Variants in FHOD3 observed in about 807,000 individuals in gnomAD.
The protein encoded by FHOD3 is FH1/FH2 domain-containing protein 3.
In FHOD3, 90 loss-of-function variants were observed where a neutral mutation model predicts 173.0. That is an observed-to-expected ratio of 0.52 (90% confidence interval 0.44 to 0.62). The LOEUF is 0.62. Ranked by LOEUF, FHOD3 falls within the 20% of genes least tolerant of loss-of-function variation. FHOD3 has a pLI of 0.00. For missense variants in FHOD3, 1,945 were observed against 2,034.7 expected (o/e 0.96, Z 0.85); for synonymous variants, 828 against 823.0 (o/e 1.01, Z -0.10).
At chr18:36,751,694 A>G (rs1317929647) in intron 24 of FHOD3, among the ~76,000 whole-genome samples, 2 of 152,162 alleles carry the variant, frequency 1.3e-5, no homozygotes, top group African/African-American at 4.8e-5. Flanking sequence ...AAGGGTGTTG[A>G]ATTTTATTGA....
intron 1 of FHOD3, among the ~76,000 whole-genome samples, chr18:36,348,011 C>T (rs893228493): frequency 7.2e-5 from 11 of 152,140 alleles, no homozygotes; most frequent in Admixed American, 2.6e-4. Flanking sequence ...TATCTTGTCC[C>T]TTTGCAATGG....
intron 3 of FHOD3, among the ~76,000 whole-genome samples, chr18:36,491,163 G>A (rs1027654519): frequency 2.0e-5 from 3 of 152,144 alleles, no homozygotes; most frequent in African/African-American, 7.2e-5. Context: ...ATGTGTTTGC[G>A]GAAGGGGTTG....
chr18:36,465,758 AG>A (rs2052878888), intron 3 of FHOD3, among the ~76,000 whole-genome samples: 2 of 152,024 alleles, frequency 1.3e-5, no homozygotes, highest in African/African-American at 4.8e-5. Context: ...GGGTGATCTG[AG>A]GCTGTGTGTG....
At chr18:36,715,707 C>CAT (rs113260743) in intron 18 of FHOD3, among the ~76,000 whole-genome samples, 32,729 of 151,960 alleles carry the variant, frequency 0.22, 4,152 homozygotes, top group African/African-American at 0.35. Flanking sequence ...ATAAGTAAAA[C>CAT]GTGACAGATT....
In FHOD3 at chr18:36,625,507, C is replaced by T. The variant is rs200239609; in HGVS notation, c.958-4C>T. Reference sequence around the variant, plus strand: ...CTTGCACTGGGCGTGCTCTGCTTTTCCAGGTGGCGCTCAGGCACGAGGATG... The same window carrying T: ...CTTGCACTGGGCGTGCTCTGCTTTTTCAGGTGGCGCTCAGGCACGAGGATG... On this transcript the variant is annotated splice_region_variant and splice_polypyrimidine_tract_variant and intron_variant, in intron 9 of 28. Coordinates refer to ENST00000590592, the MANE Select transcript of FHOD3 (RefSeq NM_001281740.3). 937 of 1,410,566 alleles carry T rather than the reference C, an allele frequency of 6.6e-4. 3 individuals are homozygous for T. The highest frequency in any genetic ancestry group is 3.8e-4 in the Admixed American group (15 of 39,760). 87.4% of individuals were successfully genotyped at this position (1,410,566 alleles called of 1,614,324 possible). A position where few individuals can be genotyped will look rare whatever the true frequency, so the allele number is the denominator to read the frequency against.
Position 36,652,818 on chromosome 18 carries a change from T to C in FHOD3, c.1535T>C (p.Ile512Thr), listed in dbSNP as rs763470059. The C allele has an allele frequency of 5.2e-6, 8 of 1,535,854 alleles. No homozygotes were observed. The Middle Eastern group carries it at 5.0e-4, about 96-fold the overall frequency. Residue 512 changes from isoleucine (I) to threonine (T), a missense_variant, in exon 12 of 29, where the codon ATA becomes ACA. Physicochemically the swap from Ile to Thr is moderately conservative, Grantham distance 89. Around this residue, in one of 5 missense-constraint regions of FHOD3, gnomAD observed 1,099 missense variants for 1,051.2 expected, o/e 1.05. Coordinates refer to ENST00000590592, the MANE Select transcript of FHOD3 (RefSeq NM_001281740.3). Reference sequence around the variant, plus strand: ...GGCTCCCTGAAGGTGTCACCGACCATAGACAAGCTGCCCTACGTGCCCCAC... The same window carrying C: ...GGCTCCCTGAAGGTGTCACCGACCACAGACAAGCTGCCCTACGTGCCCCAC... ...TPGSLKVSPTIDKLPYVPHSP... is the reference protein window; with the variant it reads ...TPGSLKVSPTTDKLPYVPHSP...
At chr18:36,374,943 C>T (rs537114039) in intron 3 of FHOD3, among the ~76,000 whole-genome samples, 7 of 152,234 alleles carry the variant, frequency 4.6e-5, no homozygotes, top group Admixed American at 1.3e-4. Flanking sequence ...AGGATTTGGC[C>T]GTATAAACTA....
At chr18:36,443,024 G>T (rs930028506) in intron 3 of FHOD3, among the ~76,000 whole-genome samples, 3 of 152,094 alleles carry the variant, frequency 2.0e-5, no homozygotes, top group African/African-American at 4.8e-5. Flanking sequence ...ATACATTTTT[G>T]ACAAAATGCC....
At chr18:36,516,349 C>T (rs1217165321) in intron 5 of FHOD3, among the ~76,000 whole-genome samples, 1 of 152,194 alleles carries the variant, frequency 6.6e-6, no homozygotes, top group Non-Finnish European at 1.5e-5. Flanking sequence ...TCAGGAAGCA[C>T]AGAGGTCGGC....
chr18:36,391,631 CTG>C (rs2048303975), intron 3 of FHOD3, among the ~76,000 whole-genome samples: 1 of 152,138 alleles, frequency 6.6e-6, no homozygotes, highest in Non-Finnish European at 1.5e-5. Flanking sequence ...CACTCAGCAG[CTG>C]TGTGACCTTA....
At chr18:36,352,606 C>G (rs2046182674) in intron 1 of FHOD3, among the ~76,000 whole-genome samples, 1 of 152,216 alleles carries the variant, frequency 6.6e-6, no homozygotes, top group Non-Finnish European at 1.5e-5. Flanking sequence ...TTCTCTCCCT[C>G]TGGCTGAGTG....
chr18:36,586,103 A>G (rs1415962329), intron 6 of FHOD3, among the ~76,000 whole-genome samples: 1 of 152,150 alleles, frequency 6.6e-6, no homozygotes, highest in Non-Finnish European at 1.5e-5. Context: ...TCATGTTTCC[A>G]GGGCTGGTTA....
At chr18:36,351,738 G>A (rs1227189729) in intron 1 of FHOD3, among the ~76,000 whole-genome samples, 2 of 152,324 alleles carry the variant, frequency 1.3e-5, no homozygotes, top group East Asian at 1.9e-4. Flanking sequence ...GGCACAAAGC[G>A]CCTTGAGGCA....
Position 36,779,650 on chromosome 18 carries a change from C to T in FHOD3, c.*120C>T, listed in dbSNP as rs2043950893. The stretch of plus-strand genomic sequence containing the variant: ...CATCCAACAGTTTGAAAAGGGAGAG[C>T]TCAATTCCCAGCGTCACCCCATGGC... On this transcript the variant is annotated 3_prime_UTR_variant, in exon 29 of 29. Transcript: ENST00000590592. 1 of 856,514 alleles carries T rather than the reference C, an allele frequency of 1.2e-6. No individual in the cohort carries two copies. The allele number at this position is 856,514 out of a possible 1,614,324, so 53.1% of individuals were successfully genotyped here.
rs145025647 is a variant in FHOD3 at position 36,494,409 on chromosome 18, C to A, written c.338-7523C>A. ...GGAGGGGCAGTTCTAAAGACTTCCA[C>A]AAATAATGTTCTGATTACACCTTCT... On this transcript the variant is annotated intron_variant, in intron 3 of 28. Coordinates refer to ENST00000590592, the MANE Select transcript of FHOD3 (RefSeq NM_001281740.3). 3.2e-3 allele frequency among the ~76,000 whole-genome samples: 482 copies of A among 152,290 alleles called. 2 individuals are homozygous for A. Among genetic ancestry groups the A allele is most frequent in the African/African-American group, 0.011 (451 of 41,550 alleles).
chr18:36,638,408 C>A (rs2035041893), intron 10 of FHOD3, among the ~76,000 whole-genome samples: 1 of 152,152 alleles, frequency 6.6e-6, no homozygotes, highest in African/African-American at 2.4e-5. Context: ...CAGACCAGGT[C>A]CTGCAGGGCC....
chr18:36,687,069 T>G, intron 15 of FHOD3, 59 bp from the exon 16 acceptor site: 3 of 1,266,318 alleles, frequency 2.4e-6, no homozygotes, highest in Non-Finnish European at 3.4e-6. Context: ...GGTAATTTTC[T>G]GAGTATCTAA....
intron 3 of FHOD3, among the ~76,000 whole-genome samples, chr18:36,399,539 C>T (rs1028682226): frequency 1.3e-5 from 2 of 152,198 alleles, no homozygotes; most frequent in Non-Finnish European, 2.9e-5. Context: ...GAGCTCCACT[C>T]TTATCTTGGT....
intron 28 of FHOD3, among the ~76,000 whole-genome samples, chr18:36,774,606 G>C (rs2043543487): frequency 6.6e-6 from 1 of 152,226 alleles, no homozygotes; most frequent in South Asian, 2.1e-4. Context: ...CAGTCAACTA[G>C]ATTTGGGAAT....
Sources: gnomAD v4.1 joint callset for allele counts (sites outside exome capture counted in the v4.1 genomes callset) on GRCh38, gnomAD v4.1.1 for gene constraint, gnomAD v4.1.1 regional missense constraint, MANE v1.5 for transcripts, NCBI Gene and HGNC (gene_info 2026-07-23, HGNC 2026-07-21) for gene names.